GABBR2: variants seen among roughly 807,000 people sequenced by gnomAD.
The protein encoded by GABBR2 is gamma-aminobutyric acid type B receptor subunit 2.
In GABBR2, 23 loss-of-function variants were observed where a neutral mutation model predicts 105.6. The observed-to-expected ratio is 0.22, with a 90% CI of 0.16 to 0.31. The LOEUF (loss-of-function observed/expected upper bound fraction) is 0.31. GABBR2 is among the 10% of genes least tolerant of loss of function. The pLI is 1.00. For missense variants in GABBR2, 734 were observed against 1,245.5 expected (o/e 0.59, Z 6.18); for synonymous variants, 478 against 499.7 (o/e 0.96, Z 0.58).
At chr9:98,354,617 G>A (rs929677130) in intron 13 of GABBR2, among the ~76,000 whole-genome samples, 1 of 152,168 alleles carries the variant, frequency 6.6e-6, no homozygotes, top group African/African-American at 2.4e-5. Flanking sequence ...TCATGAACCA[G>A]CCTCTGTTAG....
At chr9:98,500,131 A>G (rs1043431514) in intron 3 of GABBR2, among the ~76,000 whole-genome samples, 2 of 152,280 alleles carry the variant, frequency 1.3e-5, no homozygotes, top group African/African-American at 4.8e-5. Context: ...CATTTCTGCA[A>G]AATGATTTCC....
At chr9:98,635,600 G>A (rs1451798772) in intron 1 of GABBR2, among the ~76,000 whole-genome samples, 1 of 152,128 alleles carries the variant, frequency 6.6e-6, no homozygotes, top group Non-Finnish European at 1.5e-5. Flanking sequence ...CTCTTGAGGT[G>A]GAATCAGGGC....
At chr9:98,540,491 CAG>C (rs1382782338) in intron 3 of GABBR2, among the ~76,000 whole-genome samples, 3 of 152,182 alleles carry the variant, frequency 2.0e-5, no homozygotes, top group Admixed American at 1.3e-4. Flanking sequence ...ATGGAAGAGA[CAG>C]GGGGCAAGAA....
chr9:98,503,971 G>C (rs1246321225), intron 3 of GABBR2, among the ~76,000 whole-genome samples: 1 of 152,090 alleles, frequency 6.6e-6, no homozygotes, highest in Admixed American at 6.5e-5. Flanking sequence ...CTACTGATTG[G>C]GGTAAGAGCA....
intron 2 of GABBR2, among the ~76,000 whole-genome samples, chr9:98,562,372 G>C (rs75210337): frequency 0.018 from 2,709 of 152,184 alleles, 39 homozygotes; most frequent in Non-Finnish European, 0.028. Context: ...TTCCAATAAG[G>C]ACAATTTTGG....
At chr9:98,545,110 G>A (rs574220690) in intron 2 of GABBR2, among the ~76,000 whole-genome samples, 45 of 152,226 alleles carry the variant, frequency 3.0e-4, no homozygotes, top group African/African-American at 1.1e-3. Context: ...ATCACACTCT[G>A]GTTGCTACTT....
intron 13 of GABBR2, among the ~76,000 whole-genome samples, chr9:98,355,431 A>G (rs1418258855): frequency 1.3e-5 from 2 of 152,260 alleles, no homozygotes; most frequent in African/African-American, 4.8e-5. Flanking sequence ...CTGGACCAGA[A>G]ATGAGCAATT....
chr9:98,616,246 C>T (rs535265426), intron 1 of GABBR2, among the ~76,000 whole-genome samples: 1 of 152,338 alleles, frequency 6.6e-6, no homozygotes, highest in South Asian at 2.1e-4. Flanking sequence ...TCCTCAGGGT[C>T]TTTGACATTT....
intron 3 of GABBR2, 45 bp downstream of exon 3, chr9:98,541,828 G>A (rs762343220): frequency 1.3e-6 from 2 of 1,580,616 alleles, no homozygotes; most frequent in Non-Finnish European, 1.7e-6. Flanking sequence ...CTAGATGACA[G>A]CAGCAAGCAG....
intron 3 of GABBR2, among the ~76,000 whole-genome samples, chr9:98,529,600 A>C (rs997227889): frequency 6.6e-5 from 10 of 152,236 alleles, no homozygotes; most frequent in Non-Finnish European, 1.5e-4. Flanking sequence ...CATTGAGTTC[A>C]TATCCATATT....
chr9:98,319,290 G>A (rs1366821596), intron 13 of GABBR2, among the ~76,000 whole-genome samples: 2 of 152,164 alleles, frequency 1.3e-5, no homozygotes, highest in Non-Finnish European at 2.9e-5. Context: ...ACTGCAGACA[G>A]CCACAGAGCG....
At chr9:98,385,575 T>C in intron 11 of GABBR2, 65 bp downstream of exon 11, 2 of 1,370,824 alleles carry the variant, frequency 1.5e-6, no homozygotes, top group Non-Finnish European at 2.1e-6. Flanking sequence ...ATCTGTGTTT[T>C]CGATGACTGA....
intron 3 of GABBR2, among the ~76,000 whole-genome samples, chr9:98,529,018 G>A (rs1828014355): frequency 6.6e-6 from 1 of 152,096 alleles, no homozygotes; most frequent in South Asian, 2.1e-4. Context: ...TTCAATAACG[G>A]CAGCCTTCTT....
chr9:98,581,762 C>T (rs1488294080), intron 1 of GABBR2, among the ~76,000 whole-genome samples: 1 of 151,656 alleles, frequency 6.6e-6, no homozygotes, highest in Non-Finnish European at 1.5e-5. Flanking sequence ...TTTTTCTAAT[C>T]TGTAGCTAAT....
chr9:98,406,654 G>GT, intron 7 of GABBR2, among the ~76,000 whole-genome samples: 1 of 152,186 alleles, frequency 6.6e-6, no homozygotes, highest in Non-Finnish European at 1.5e-5. Context: ...TTCCTGAATG[G>GT]TGACGTCAGT....
chr9:98,321,477 C>T (rs896187360), intron 13 of GABBR2, among the ~76,000 whole-genome samples: 4 of 152,192 alleles, frequency 2.6e-5, no homozygotes, highest in East Asian at 1.9e-4. Context: ...TGGCATTGCC[C>T]GGGAGTGCAC....
intron 1 of GABBR2, among the ~76,000 whole-genome samples, chr9:98,649,394 G>A (rs888713401): frequency 6.6e-6 from 1 of 152,106 alleles, no homozygotes; most frequent in African/African-American, 2.4e-5. Context: ...CGCCCCTTAC[G>A]GCCCCAAAGA....
intron 12 of GABBR2, among the ~76,000 whole-genome samples, chr9:98,370,337 G>T (rs1378926892): frequency 6.6e-6 from 1 of 152,124 alleles, no homozygotes; most frequent in Non-Finnish European, 1.5e-5. Context: ...AGGAGAGAAA[G>T]TCCTAGTAAT....
chr9:98,365,091 T>C (rs1163066319), intron 12 of GABBR2, among the ~76,000 whole-genome samples: 2 of 152,158 alleles, frequency 1.3e-5, no homozygotes, highest in Non-Finnish European at 2.9e-5. Context: ...TCCAAGTAGG[T>C]ATAAAGGAAA....
Sources: allele counts gnomAD v4.1 joint callset (sites outside exome capture counted in the v4.1 genomes callset), GRCh38; gene constraint gnomAD v4.1.1; transcripts MANE v1.5; gene names NCBI Gene and HGNC (gene_info 2026-07-23, HGNC 2026-07-21).